Variants in WDR54 observed in about 807,000 individuals in gnomAD.
The protein encoded by WDR54 is WD repeat domain 54.
A neutral mutation model predicts 44.1 loss-of-function variants in WDR54; 44 were observed. That is an observed-to-expected ratio of 1.00 (90% CI 0.78 to 1.28). WDR54 has a LOEUF of 1.28. WDR54 is among the 50% of genes most tolerant of loss of function. WDR54 has a pLI of 0.00. For synonymous variants in WDR54, 169 were observed against 169.8 expected, an observed-to-expected ratio of 1.00 and a Z score of 0.04; for missense variants, 409 against 429.7, an observed-to-expected ratio of 0.95 and a Z score of 0.43.
rs756894142 is a variant in WDR54, at chr2:74,423,906, A to G, written c.458A>G (p.Asn153Ser). ...TTTGACATCCCAGCAAAGGGTCCCAACATTGTACTGAGCGAGGAGCTGGCT... is the reference window on the plus strand; with the variant it reads ...TTTGACATCCCAGCAAAGGGTCCCAGCATTGTACTGAGCGAGGAGCTGGCT... Reference protein sequence around the residue: ...LVFDIPAKGPNIVLSEELAGH... With the variant: ...LVFDIPAKGPSIVLSEELAGH... The change falls in exon 6 of 10, where the codon AAC becomes AGC. Residue 153 changes from asparagine to serine, a missense_variant. Coordinates refer to ENST00000348227, the MANE Select transcript of WDR54 (RefSeq NM_032118.4). 6.8e-6 allele frequency: 11 copies of G among 1,614,182 alleles called. No homozygotes were observed. Among genetic ancestry groups the G allele is most frequent in the Non-Finnish European group, 8.5e-6 (10 of 1,180,032 alleles).
chr2:74,422,448 G>A (rs1162744436), intron 2 of WDR54, 73 bp downstream of exon 2: 61 of 1,474,538 alleles, frequency 4.1e-5, no homozygotes, highest in South Asian at 7.7e-5. Context: ...AAACCTTCAG[G>A]AGCAGGCATG....
At chr2:74,422,056 C>G in intron 1 of WDR54, 97 bp from the exon 2 acceptor site, 1 of 1,291,022 alleles carries the variant, frequency 7.7e-7, no homozygotes, top group Non-Finnish European at 1.1e-6. Context: ...GACCCAGTCT[C>G]AGGCATCTTC....
Position 74,423,849 on chromosome 2 carries a change from A to G in WDR54, c.407-6A>G, listed in dbSNP as rs1165096739. 2 of 1,613,852 alleles carry G rather than the reference A, an allele frequency of 1.2e-6. No homozygotes were observed. The highest frequency in any genetic ancestry group is 1.7e-6 in the Non-Finnish European group (2 of 1,179,912). ...GTCATCACTGGAGTACTGGTTCTGG[A>G]TACAGGAACGTGGTCAGGCCGGGTG... is the stretch of plus-strand genomic sequence containing the variant. On this transcript the variant is annotated splice_region_variant and splice_polypyrimidine_tract_variant and intron_variant, in intron 5 of 9. Coordinates refer to ENST00000348227, the MANE Select transcript of WDR54 (RefSeq NM_032118.4).
intron 5 of WDR54, 56 bp downstream of exon 5, chr2:74,423,587 A>T: frequency 6.3e-7 from 1 of 1,597,526 alleles, no homozygotes; most frequent in Non-Finnish European, 8.6e-7. Flanking sequence ...GGCTGTGGCC[A>T]GGAGAATAAT....
At chr2:74,423,642 T>A in intron 5 of WDR54, 111 bp downstream of exon 5, 3 of 1,493,106 alleles carry the variant, frequency 2.0e-6, no homozygotes, top group Non-Finnish European at 9.2e-7. Flanking sequence ...AGGGTGGAAG[T>A]GGAGTGGAAT....
Position 74,425,412 on chromosome 2 carries a change from C to A in WDR54, c.799-5C>A, listed in dbSNP as rs772739074. On this transcript the variant is annotated splice_region_variant and splice_polypyrimidine_tract_variant and intron_variant, in intron 8 of 9. Coordinates refer to ENST00000348227, the MANE Select transcript of WDR54 (RefSeq NM_032118.4). ...ATTCTGACTCCCCCTCTTCCTCCTC[C>A]ACAGCTACTCTCTGCAGGTGAGGAC... 6.2e-7 allele frequency: 1 copy of A among 1,614,142 alleles called. No homozygotes were observed. Among genetic ancestry groups the A allele is most frequent in the Non-Finnish European group, 8.5e-7 (1 of 1,179,990 alleles).
Position 74,422,424 on chromosome 2 carries a change from A to T in WDR54, c.222+49A>T, listed in dbSNP as rs781618359. The T allele has an allele frequency of 1.9e-6, 3 of 1,556,482 alleles. No homozygotes were observed. The Admixed American group carries it at 5.5e-5, about 29-fold the overall frequency. On this transcript the variant is annotated intron_variant, in intron 2 of 9. Transcript: ENST00000348227. ...TGTTGCTGAACCCAGTCCTACCCCC[A>T]GCCTTTTCTCTCCAAACCTTCAGGA...
intron 5 of WDR54, 31 bp from the exon 6 acceptor site, chr2:74,423,824 G>T (rs371690245): frequency 7.3e-5 from 117 of 1,610,210 alleles, no homozygotes; most frequent in Non-Finnish European, 9.6e-5. Context: ...GGGTCAGGAA[G>T]TCATCACTGG....
At position 74,422,272 on chromosome 2, in the gene WDR54, C is replaced by T. The variant is rs374998217; in HGVS notation, c.119C>T (p.Pro40Leu). The change falls in exon 2 of 10, where the codon CCA (proline) becomes CTA (leucine). Residue 40 changes from proline to leucine, a missense_variant. Pro to Leu is a moderately conservative substitution (Grantham distance 98). Transcript: ENST00000348227. ...ACGTATTTTGGCGTGGTTCATGGAC[C>T]AAGCGCCCAGCTTCTCAGCGCTGCT... is the stretch of plus-strand genomic sequence containing the variant. ...NLTYFGVVHG[P>L]SAQLLSAAPE... is the part of the protein sequence containing the mutation. The T allele has an allele frequency of 6.2e-7, 1 of 1,614,244 alleles. No homozygotes were observed. Among genetic ancestry groups the T allele is most frequent in the Non-Finnish European group, 8.5e-7 (1 of 1,180,042 alleles).
At chr2:74,423,124 C>G (rs1252354857) in intron 3 of WDR54, 192 bp downstream of exon 3, 6 of 823,430 alleles carry the variant, frequency 7.3e-6, no homozygotes, top group Admixed American at 4.4e-5. Context: ...GTATCTGCCC[C>G]TTTACTAGCT....
chr2:74,422,631 A>C, intron 2 of WDR54: 3 of 610,954 alleles, frequency 4.9e-6, no homozygotes. Flanking sequence ...CTCTACTAAG[A>C]ATACAAAAAA....
At chr2:74,422,845 C>T in intron 2 of WDR54, 25 bp from the exon 3 acceptor site, 1 of 1,607,118 alleles carries the variant, frequency 6.2e-7, no homozygotes, top group Non-Finnish European at 8.5e-7. Flanking sequence ...TGATTTTCTC[C>T]CTACACTGAT....
Position 74,422,367 on chromosome 2 carries a change from ATCAC to A in WDR54, c.218_221del (p.Thr73ArgfsTer83). ...GGGTGCTGGAGTGAGTCCCCCACTT[ATCAC>A]TCAGGTGAGGCATGGAGCTGGGAGT... On this transcript the variant is annotated frameshift_variant, in exon 2 of 10. Transcript: ENST00000348227. LOFTEE classifies it high-confidence loss of function. The A allele has an allele frequency of 1.9e-6, 3 of 1,612,232 alleles. No individual in the cohort carries two copies. The highest frequency in any genetic ancestry group is 2.5e-6 in the Non-Finnish European group (3 of 1,178,666).
At chr2:74,425,026 G>A (rs1670306598) in intron 7 of WDR54, 49 bp from the exon 8 acceptor site, 1 of 1,614,044 alleles carries the variant, frequency 6.2e-7, no homozygotes. Context: ...TTCAGGCTGG[G>A]GAGTAGGATT....
chr2:74,422,420 C>A (rs757618064), intron 2 of WDR54, 45 bp downstream of exon 2: 5 of 1,564,248 alleles, frequency 3.2e-6, no homozygotes, highest in Admixed American at 3.6e-5. Context: ...CCAGTCCTAC[C>A]CCCAGCCTTT....
rs754950279 is a variant in WDR54 at position 74,425,207 on chromosome 2, C to T, written c.768C>T (p.Cys256=). Residue 256 remains cysteine (C), a synonymous_variant, in exon 8 of 10, where the codon TGC becomes TGT. Coordinates refer to ENST00000348227, the MANE Select transcript of WDR54 (RefSeq NM_032118.4). ...TCAATGCCCATGCCCGGGCCATCTGCGCCCTGGACCTGGCTTCTGAGGTGG... is the reference window on the plus strand; with the variant it reads ...TCAATGCCCATGCCCGGGCCATCTGTGCCCTGGACCTGGCTTCTGAGGTGG... ...VQINAHARAI[C]ALDLASEVGK... 3.7e-5 allele frequency: 57 copies of T among 1,532,814 alleles called. No homozygotes were observed. The highest frequency in any genetic ancestry group is 1.9e-4 in the South Asian group (15 of 77,920). The allele number at this position is 1,532,814 out of a possible 1,614,324, so 95.0% of individuals were successfully genotyped here.
chr2:74,423,160 C>T, intron 3 of WDR54, 159 bp from the exon 4 acceptor site: 1 of 944,584 alleles, frequency 1.1e-6, no homozygotes, highest in Non-Finnish European at 1.7e-6. Context: ...ATTAACTTCT[C>T]ACTCTCACTG....
chr2:74,422,551 T>C, intron 2 of WDR54, 176 bp downstream of exon 2: 1 of 785,828 alleles, frequency 1.3e-6, no homozygotes, highest in Non-Finnish European at 2.0e-6. Context: ...TCCCAACACT[T>C]TGGGAGGCTG....
intron 7 of WDR54, 37 bp from the exon 8 acceptor site, chr2:74,425,038 G>C (rs1378433359): frequency 6.2e-7 from 1 of 1,613,558 alleles, no homozygotes; most frequent in South Asian, 1.1e-5. Context: ...AGTAGGATTT[G>C]ATCTGGGCAA....
Sources: allele counts gnomAD v4.1 joint callset, GRCh38; gene constraint gnomAD v4.1.1; transcripts MANE v1.5; gene names NCBI Gene and HGNC (gene_info 2026-07-23, HGNC 2026-07-21).